Variants in BLTP3B observed in about 807,000 individuals in gnomAD.
BLTP3B encodes UHRF1 (ICBP90) binding protein 1-like.
At chr12:100,057,873 C>T in the BLTP3B span, 8 of 1,285,166 alleles carry the variant, frequency 6.2e-6, no homozygotes, top group Non-Finnish European at 8.4e-6. Context: ...CGTATAAGCT[C>T]AAAGTGTTTT....
the BLTP3B span, among the ~76,000 whole-genome samples, chr12:100,131,489 G>A: frequency 6.6e-6 from 1 of 152,048 alleles, no homozygotes; most frequent in South Asian, 2.1e-4. Flanking sequence ...TAGAAAAATA[G>A]TAAATATGCA....
the BLTP3B span, among the ~76,000 whole-genome samples, chr12:100,129,815 T>C: frequency 6.6e-6 from 1 of 152,202 alleles, no homozygotes; most frequent in Non-Finnish European, 1.5e-5. Context: ...GAAATTAAAA[T>C]TGCAGCCAAA....
the BLTP3B span, chr12:100,039,714 T>C: frequency 6.2e-7 from 1 of 1,614,072 alleles, no homozygotes; most frequent in Non-Finnish European, 8.5e-7. Context: ...CAGATCATAC[T>C]TTCCACTGGT....
At chr12:100,044,732 T>C in the BLTP3B span, among the ~76,000 whole-genome samples, 3 of 152,134 alleles carry the variant, frequency 2.0e-5, no homozygotes, top group Non-Finnish European at 2.9e-5. Context: ...CAACACAGCA[T>C]TGGAAGTTCT....
the BLTP3B span, among the ~76,000 whole-genome samples, chr12:100,041,959 C>G: frequency 6.6e-6 from 1 of 152,120 alleles, no homozygotes; most frequent in South Asian, 2.1e-4. Flanking sequence ...AAATAAACTA[C>G]ATTTCTATAA....
At chr12:100,061,803 G>T in the BLTP3B span, among the ~76,000 whole-genome samples, 1 of 152,124 alleles carries the variant, frequency 6.6e-6, no homozygotes, top group African/African-American at 2.4e-5. Context: ...AAGAAGCAGG[G>T]TGCAAATTAA....
the BLTP3B span, among the ~76,000 whole-genome samples, chr12:100,049,539 G>A: frequency 6.6e-6 from 1 of 152,126 alleles, no homozygotes; most frequent in Non-Finnish European, 1.5e-5. Flanking sequence ...GTGGAGAATT[G>A]CTCTTGAATC....
the BLTP3B span, chr12:100,142,563 C>A: frequency 6.2e-7 from 1 of 1,604,418 alleles, no homozygotes. Flanking sequence ...TGGAGGCCGA[C>A]TGGCGCCGAC....
At chr12:100,060,572 C>T in the BLTP3B span, among the ~76,000 whole-genome samples, 3 of 152,036 alleles carry the variant, frequency 2.0e-5, no homozygotes, top group Non-Finnish European at 4.4e-5. Context: ...AAGGAGGGAC[C>T]GTGCATAAAT....
chr12:100,124,934 TTTTATATATATATATA>T, the BLTP3B span, among the ~76,000 whole-genome samples: 6 of 36,986 alleles, frequency 1.6e-4, 1 homozygote, highest in South Asian at 2.8e-3. Context: ...AAAAAAAAAA[TTTTATATATATATATA>T]TATATATATA....
At chr12:100,102,824 A>G in the BLTP3B span, 1 of 1,607,528 alleles carries the variant, frequency 6.2e-7, no homozygotes, top group Non-Finnish European at 8.5e-7. Flanking sequence ...GGTTCTTCAC[A>G]TGTACTCATT....
At chr12:100,048,728 A>AGGGG in the BLTP3B span, among the ~76,000 whole-genome samples, 10 of 100,560 alleles carry the variant, frequency 9.9e-5, no homozygotes, top group African/African-American at 4.4e-4. Context: ...AATTATAGTA[A>AGGGG]GGGGGGGGAG....
chr12:100,111,961 C>T, the BLTP3B span, among the ~76,000 whole-genome samples: 3 of 151,976 alleles, frequency 2.0e-5, no homozygotes, highest in African/African-American at 4.8e-5. Flanking sequence ...AGGCTGATAT[C>T]GAATCCCTGG....
At chr12:100,116,716 C>CCAACAATG in the BLTP3B span, among the ~76,000 whole-genome samples, 20 of 152,146 alleles carry the variant, frequency 1.3e-4, no homozygotes, top group East Asian at 2.9e-3. Context: ...TCACTTTTTT[C>CCAACAATG]CAACAATGTA....
the BLTP3B span, among the ~76,000 whole-genome samples, chr12:100,096,374 G>C: frequency 1.3e-5 from 2 of 152,026 alleles, no homozygotes; most frequent in East Asian, 1.9e-4. Context: ...AAGTTATATA[G>C]CACTTATATA....
At chr12:100,069,927 T>C in the BLTP3B span, 1 of 1,117,514 alleles carries the variant, frequency 8.9e-7, no homozygotes, top group Non-Finnish European at 1.1e-6. Context: ...CAATGATATA[T>C]TTTATTTAAG....
chr12:100,130,242 G>C, the BLTP3B span, among the ~76,000 whole-genome samples: 3 of 152,196 alleles, frequency 2.0e-5, no homozygotes, highest in South Asian at 6.2e-4. Flanking sequence ...TTACAGGTGT[G>C]ACCCACCACA....
chr12:100,054,726 A>G, the BLTP3B span, among the ~76,000 whole-genome samples: 1 of 152,104 alleles, frequency 6.6e-6, no homozygotes, highest in East Asian at 1.9e-4. Context: ...TTAGACAGAG[A>G]ATTTTTGTTT....
chr12:100,083,305 T>C, the BLTP3B span, among the ~76,000 whole-genome samples: 15 of 152,220 alleles, frequency 9.9e-5, no homozygotes, highest in Non-Finnish European at 2.2e-4. Context: ...TAAGTTATTG[T>C]GATGATTATT....
Sources: gnomAD v4.1 joint callset for allele counts (sites outside exome capture counted in the v4.1 genomes callset) on GRCh38, gnomAD v4.1.1 for gene constraint, MANE v1.5 for transcripts, NCBI Gene and HGNC (gene_info 2026-07-23, HGNC 2026-07-21) for gene names.